The following MTRES1 variants were observed in gnomAD, a reference collection of about 807,000 sequenced individuals.
The protein encoded by MTRES1 is uncharacterized protein C6orf203.
Under a neutral mutation model 17.4 loss-of-function variants are expected in MTRES1, and 11 were observed. The ratio of observed to expected loss-of-function variants is 0.63; its 90% CI spans 0.40 to 1.05. MTRES1 has a LOEUF of 1.05. Among genes scored for constraint, MTRES1 ranks in the 50% least tolerant of loss-of-function variants. The probability of loss-of-function intolerance (pLI) is 0.00; values close to 1 mark genes in which losing one functional copy is unlikely to be tolerated. For missense variants in MTRES1, 268 were observed against 276.2 expected, an observed-to-expected ratio of 0.97 and a Z score of 0.21; for synonymous variants, 94 against 99.6, an observed-to-expected ratio of 0.94 and a Z score of 0.34.
intron 3 of MTRES1, among the ~76,000 whole-genome samples, chr6:107,047,712 C>T (rs1453889647): frequency 2.6e-5 from 4 of 151,848 alleles, no homozygotes; most frequent in Non-Finnish European, 5.9e-5. Flanking sequence ...TGGTGAAACC[C>T]CATCTCTACT....
intron 3 of MTRES1, among the ~76,000 whole-genome samples, chr6:107,045,015 T>C (rs985442734): frequency 6.6e-6 from 1 of 151,682 alleles, no homozygotes; most frequent in Non-Finnish European, 1.5e-5. Context: ...ATGGCAAAAC[T>C]GTCTCTACAA....
chr6:107,028,610 C>A, intron 1 of MTRES1: 1 of 152,476 alleles, frequency 6.6e-6, no homozygotes. Flanking sequence ...CTGTCTCAGC[C>A]CACAGCCTCC....
rs1198757270 is a variant in MTRES1 at position 107,029,564 on chromosome 6, G to T, written c.-13+1293G>T. Among the ~76,000 whole-genome samples the T allele has an allele frequency of 2.0e-5, 3 of 148,478 alleles. No individual in the cohort carries two copies. The East Asian group carries it at 6.1e-4, about 30-fold the overall frequency. On this transcript the variant is annotated intron_variant, in intron 1 of 3. Transcript: ENST00000311381. Reference sequence around the variant, plus strand: ...ACTGGTGTGAACTCGGCTCACTGCAGCCTCCCCCTCCCAGGTTCAAGCGAT... The same window carrying T: ...ACTGGTGTGAACTCGGCTCACTGCATCCTCCCCCTCCCAGGTTCAAGCGAT...
At chr6:107,028,901 T>A (rs1773727658) in intron 1 of MTRES1, 1 of 984,740 alleles carries the variant, frequency 1.0e-6, no homozygotes, top group South Asian at 4.7e-5. Context: ...GCCAAAGAGA[T>A]CTTTTAAAAT....
At chr6:107,044,600 T>G (rs999304918) in intron 3 of MTRES1, among the ~76,000 whole-genome samples, 1 of 152,192 alleles carries the variant, frequency 6.6e-6, no homozygotes, top group Admixed American at 6.6e-5. Context: ...AATCCATTAA[T>G]TAAACTTCCA....
intron 1 of MTRES1, among the ~76,000 whole-genome samples, chr6:107,037,282 A>G (rs1415668586): frequency 3.3e-5 from 5 of 151,496 alleles, no homozygotes; most frequent in Non-Finnish European, 7.4e-5. Flanking sequence ...GTTGGCCAGG[A>G]TGGTCTCAAG....
chr6:107,043,939 C>A (rs1474420101), intron 2 of MTRES1, among the ~76,000 whole-genome samples: 1 of 152,124 alleles, frequency 6.6e-6, no homozygotes, highest in Non-Finnish European at 1.5e-5. Context: ...CCAGCCTGGC[C>A]GACATAGTGA....
intron 1 of MTRES1, among the ~76,000 whole-genome samples, chr6:107,031,608 A>ATTT (rs34148089): frequency 1.4e-5 from 2 of 143,052 alleles, no homozygotes; most frequent in Non-Finnish European, 3.1e-5. Flanking sequence ...GTGCCCAGCT[A>ATTT]TTTTTTTTTT....
In MTRES1 at chr6:107,039,967, GCTTTTACTA is replaced by G; in HGVS notation, c.208_216del (p.Leu70_Leu72del). On this transcript the variant is annotated inframe_deletion, in exon 2 of 4. Transcript: ENST00000311381. ...ATATTTTCTCACTGAGACTCCCAGG[GCTTTTACTA>G]TCTCCAGAATGTATTTTTCCTTTTT... is the stretch of plus-strand genomic sequence containing the variant. 1 of 1,613,840 alleles carries G rather than the reference GCTTTTACTA, an allele frequency of 6.2e-7. No homozygotes were observed. The highest frequency in any genetic ancestry group is 8.5e-7 in the Non-Finnish European group (1 of 1,179,860).
At chr6:107,030,226 C>G in intron 1 of MTRES1, 1 of 710,928 alleles carries the variant, frequency 1.4e-6, no homozygotes, top group South Asian at 1.5e-5. Context: ...TCCTATAGAG[C>G]CTTTAGACCA....
Position 107,038,045 on chromosome 6 carries a change from T to C in MTRES1, c.-12-1704T>C, listed in dbSNP as rs1774069471. ...AGCATTTTAAAATTATTCCAAATTA[T>C]AGTTATGTTGAAACAGAGTCTTTAC... On this transcript the variant is annotated intron_variant, in intron 1 of 3. Coordinates refer to ENST00000311381, the MANE Select transcript of MTRES1 (RefSeq NM_016487.5). Among the ~76,000 whole-genome samples the C allele has an allele frequency of 2.0e-5, 3 of 152,066 alleles. No individual in the cohort carries two copies. In the South Asian group the frequency reaches 6.2e-4, roughly 32 times the overall value.
chr6:107,039,886 C>A lies in MTRES1; in HGVS notation c.126C>A (p.Tyr42Ter). ...AACTCTGTACTTCCTGGAATCGATA[C>A]TTGTATTTTTCTAGTACCAAGTTAC... is the stretch of plus-strand genomic sequence containing the variant. Reference protein sequence around the residue: ...SYKLCTSWNRYLYFSSTKLRA... With the variant: ...SYKLCTSWNR Residue 42 changes from tyrosine to a stop codon, truncating the protein, a stop_gained, in exon 2 of 4, where the codon TAC becomes TAA. Coordinates refer to ENST00000311381, the MANE Select transcript of MTRES1 (RefSeq NM_016487.5). LOFTEE classifies it high-confidence loss of function. 1 of 1,614,092 alleles carries A rather than the reference C, an allele frequency of 6.2e-7. No homozygotes were observed. The highest frequency in any genetic ancestry group is 8.5e-7 in the Non-Finnish European group (1 of 1,180,014).
intron 3 of MTRES1, among the ~76,000 whole-genome samples, chr6:107,048,632 T>C (rs1554228730): frequency 6.6e-6 from 1 of 151,188 alleles, no homozygotes; most frequent in East Asian, 2.0e-4. Flanking sequence ...ATACAAAAAT[T>C]AGCTGGGTGT....
intron 1 of MTRES1, among the ~76,000 whole-genome samples, chr6:107,037,008 G>C (rs1554227021): frequency 1.3e-5 from 2 of 151,570 alleles, no homozygotes; most frequent in Non-Finnish European, 2.9e-5. Context: ...TCAAACTCCT[G>C]GGCTCAAGCA....
At chr6:107,044,426 C>T in intron 3 of MTRES1, 94 bp downstream of exon 3, 1 of 938,034 alleles carries the variant, frequency 1.1e-6, no homozygotes, top group Non-Finnish European at 1.7e-6. Flanking sequence ...CCTCTGGCTC[C>T]TCTTCTTTCT....
At chr6:107,038,209 C>G (rs982830566) in intron 1 of MTRES1, among the ~76,000 whole-genome samples, 1 of 152,112 alleles carries the variant, frequency 6.6e-6, no homozygotes, top group Admixed American at 6.6e-5. Flanking sequence ...TTGGAAGTAG[C>G]TAGCTCCATG....
chr6:107,031,493 G>T (rs1334922199), intron 1 of MTRES1, among the ~76,000 whole-genome samples: 8 of 150,520 alleles, frequency 5.3e-5, no homozygotes, highest in Non-Finnish European at 8.9e-5. Flanking sequence ...TGTTGCCCAG[G>T]CTGGAGTGCA....
chr6:107,028,930 T>C, intron 1 of MTRES1: 1 of 964,866 alleles, frequency 1.0e-6, no homozygotes, highest in Non-Finnish European at 1.2e-6. Context: ...ATCAGGTCAC[T>C]TCCCAGGGTC....
intron 1 of MTRES1, among the ~76,000 whole-genome samples, chr6:107,033,545 A>G (rs1322198872): frequency 4.6e-5 from 7 of 152,048 alleles, no homozygotes; most frequent in Non-Finnish European, 1.0e-4. Context: ...AGGGCCGGGC[A>G]CGGTGGCTCA....
Sources: allele counts gnomAD v4.1 joint callset (sites outside exome capture counted in the v4.1 genomes callset), GRCh38; gene constraint gnomAD v4.1.1; transcripts MANE v1.5; gene names NCBI Gene and HGNC (gene_info 2026-07-23, HGNC 2026-07-21).